CR1: variants seen among roughly 807,000 people sequenced by gnomAD.
CR1 encodes the protein complement receptor type 1.
CR1 carries 116 observed loss-of-function variants against 187.3 expected under a neutral mutation model. That is an observed-to-expected ratio of 0.62 (90% CI 0.53 to 0.72). CR1 has a LOEUF of 0.72. Among genes scored for constraint, CR1 ranks in the 30% least tolerant of loss-of-function variants. The probability of loss-of-function intolerance (pLI) is 0.00; values close to 1 mark genes in which losing one functional copy is unlikely to be tolerated. For missense variants in CR1, 1,731 were observed against 2,110.7 expected, an observed-to-expected ratio of 0.82 and a Z score of 3.52; for synonymous variants, 576 against 747.1, an observed-to-expected ratio of 0.77 and a Z score of 3.73.
chr1:207,566,784 A>C (rs548916771), intron 24 of CR1, among the ~76,000 whole-genome samples: 22 of 150,536 alleles, frequency 1.5e-4, no homozygotes, highest in Middle Eastern at 3.4e-3. Flanking sequence ...CCAATGGAAG[A>C]TAGAACTTTG....
At chr1:207,517,801 A>G (rs1659850427) in intron 4 of CR1, among the ~76,000 whole-genome samples, 1 of 152,140 alleles carries the variant, frequency 6.6e-6, no homozygotes. Context: ...TTATAGTCTC[A>G]TATTAGCCTT....
At chr1:207,574,247 T>C (rs1419694624) in intron 27 of CR1, among the ~76,000 whole-genome samples, 7 of 152,158 alleles carry the variant, frequency 4.6e-5, no homozygotes, top group Admixed American at 6.5e-5. Flanking sequence ...TAGGGAAACT[T>C]CTGTGTTTCA....
chr1:207,600,679 C>T (rs775621843), intron 35 of CR1: 1 of 152,154 alleles, frequency 6.6e-6, no homozygotes, highest in African/African-American at 2.4e-5. Context: ...AAGCATTCTT[C>T]TAAGTCCTTT....
chr1:207,632,257 A>G (rs1432740480), intron 46 of CR1, among the ~76,000 whole-genome samples: 1 of 152,136 alleles, frequency 6.6e-6, no homozygotes, highest in Non-Finnish European at 1.5e-5. Context: ...TGAAGCTTTA[A>G]TGTTTATCTG....
At position 207,577,973 on chromosome 1, in the gene CR1, A is replaced by G. The variant is rs1243203429; in HGVS notation, c.4706A>G (p.Asp1569Gly). ...CCCTCCATATACTGCACCAGCAATG[A>G]CGATCAAGTGGGCATCTGGAGCGGC... ...GEPSIYCTSN[D>G]DQVGIWSGPA... The change falls in exon 29 of 47, where the codon GAC becomes GGC. Residue 1569 changes from aspartate (D) to glycine (G), a missense_variant. Coordinates refer to ENST00000367049, the MANE Select transcript of CR1 (RefSeq NM_000651.6). 1.2e-6 allele frequency: 2 copies of G among 1,611,882 alleles called. No individual in the cohort carries two copies. The highest frequency in any genetic ancestry group is 1.3e-5 in the African/African-American group (1 of 74,952).
chr1:207,501,910 T>A (rs1217510246), intron 1 of CR1, among the ~76,000 whole-genome samples: 2 of 143,898 alleles, frequency 1.4e-5, no homozygotes, highest in Non-Finnish European at 2.9e-5. Flanking sequence ...GCAACTGTTT[T>A]ACTCAGTGTT....
At chr1:207,584,601 A>C in intron 32 of CR1, 48 bp from the exon 33 acceptor site, 15 of 1,564,174 alleles carry the variant, frequency 9.6e-6, no homozygotes, top group African/African-American at 1.4e-5. Flanking sequence ...ACCTTGGATT[A>C]TACTTTAAAA....
chr1:207,614,577 G>A, intron 40 of CR1, 88 bp downstream of exon 40: 2 of 1,004,330 alleles, frequency 2.0e-6, no homozygotes, highest in South Asian at 1.4e-5. Context: ...CTGTTGTCTA[G>A]ATCTTTACTT....
In CR1 at chr1:207,618,350, A is replaced by AT. The variant is rs570461825; in HGVS notation, c.7066+110dup. On this transcript the variant is annotated intron_variant, in intron 42 of 46. Transcript: ENST00000367049. ...AAATGAGCTTAATGAAAGGGATAAT[A>AT]TTTTTTTCTTCTCGGCAACTGCTTT... 4.2e-3 allele frequency: 4,537 copies of AT among 1,088,680 alleles called. 19 individuals are homozygous for AT. The highest frequency in any genetic ancestry group is 5.2e-3 in the Non-Finnish European group (4,007 of 768,988). The allele number at this position is 1,088,680 out of a possible 1,614,324, so 67.4% of individuals were successfully genotyped here.
intron 45 of CR1, among the ~76,000 whole-genome samples, chr1:207,629,444 C>T (rs1662579783): frequency 6.6e-6 from 1 of 152,120 alleles, no homozygotes; most frequent in African/African-American, 2.4e-5. Context: ...TTAACCACCA[C>T]TCCTTGGAAG....
intron 3 of CR1, among the ~76,000 whole-genome samples, chr1:207,509,775 A>G (rs1164297611): frequency 6.6e-6 from 1 of 152,204 alleles, no homozygotes; most frequent in African/African-American, 2.4e-5. Flanking sequence ...CCTTGTTCCT[A>G]AGACAAACAG....
At chr1:207,632,611 C>A (rs12044246) in intron 46 of CR1, among the ~76,000 whole-genome samples, 4 of 151,780 alleles carry the variant, frequency 2.6e-5, no homozygotes, top group Admixed American at 2.6e-4. Flanking sequence ...CACGGTGAAA[C>A]CCCTTCTCTA....
chr1:207,589,590 C>A (rs1461873926), intron 35 of CR1, among the ~76,000 whole-genome samples: 1 of 152,096 alleles, frequency 6.6e-6, no homozygotes, highest in Non-Finnish European at 1.5e-5. Flanking sequence ...AGCAAGAGAA[C>A]AAAACTGGGT....
chr1:207,609,743 G>A (rs751306002), intron 37 of CR1, 55 bp downstream of exon 37: 159 of 1,470,014 alleles, frequency 1.1e-4, no homozygotes, highest in Non-Finnish European at 1.3e-4. Flanking sequence ...TAGATGATAG[G>A]AGTTGTTGAA....
At chr1:207,617,150 G>T (rs41387145) in intron 41 of CR1, among the ~76,000 whole-genome samples, 69 of 151,956 alleles carry the variant, frequency 4.5e-4, no homozygotes, top group Non-Finnish European at 2.2e-4. Flanking sequence ...CTACTACTAC[G>T]AGTTATCTTT....
intron 1 of CR1, among the ~76,000 whole-genome samples, chr1:207,500,825 G>A (rs1188235156): frequency 6.6e-6 from 1 of 152,168 alleles, no homozygotes; most frequent in Non-Finnish European, 1.5e-5. Flanking sequence ...AATTTTCATA[G>A]CAGTTTTGTT....
chr1:207,525,039 A>G (rs2102309324), intron 5 of CR1, among the ~76,000 whole-genome samples: 1 of 152,148 alleles, frequency 6.6e-6, no homozygotes, highest in African/African-American at 2.4e-5. Context: ...AAGCACGCAT[A>G]TCTTCATATG....
chr1:207,618,318 G>T lies in CR1; in HGVS notation c.7066+71G>T, dbSNP rs1662210402. 10 of 1,402,670 alleles carry T rather than the reference G, an allele frequency of 7.1e-6. No homozygotes were observed. The South Asian group carries it at 1.4e-4, about 19-fold the overall frequency. 86.9% of individuals were successfully genotyped at this position (1,402,670 alleles called of 1,614,324 possible). A position where few individuals can be genotyped will look rare whatever the true frequency, so the allele number is the denominator to read the frequency against. On this transcript the variant is annotated intron_variant, in intron 42 of 46. Transcript: ENST00000367049. Reference sequence around the variant, plus strand: ...ATGCATGAGGCTTGTAAGGCTGAGAGACATTGAAATGAGCTTAATGAAAGG... The same window carrying T: ...ATGCATGAGGCTTGTAAGGCTGAGATACATTGAAATGAGCTTAATGAAAGG...
rs543860230 is a variant in CR1, at chr1:207,595,232, TAC to T, written c.5810+6464_5810+6465del. 3.8e-3 allele frequency among the ~76,000 whole-genome samples: 572 copies of T among 149,302 alleles called. 1 individual carries two copies. The highest frequency in any genetic ancestry group is 7.0e-3 in the Middle Eastern group (2 of 284). On this transcript the variant is annotated intron_variant, in intron 35 of 46. Coordinates refer to ENST00000367049, the MANE Select transcript of CR1 (RefSeq NM_000651.6). ...GACCAGACTTGAAATGACACATATA[TAC>T]ACACAAACACACTACACACAAACAC...
Sources: allele counts gnomAD v4.1 joint callset (sites outside exome capture counted in the v4.1 genomes callset), GRCh38; gene constraint gnomAD v4.1.1; transcripts MANE v1.5; gene names NCBI Gene and HGNC (gene_info 2026-07-23, HGNC 2026-07-21).